PPFIBP1: variants seen among roughly 807,000 people sequenced by gnomAD.
PPFIBP1 encodes the protein liprin-beta-1.
Under a neutral mutation model 137.8 loss-of-function variants are expected in PPFIBP1, and 112 were observed. That is an observed-to-expected ratio of 0.81 (90% CI 0.70 to 0.95). The LOEUF is 0.95. Among genes scored for constraint, PPFIBP1 ranks in the 40% least tolerant of loss-of-function variants. The probability of loss-of-function intolerance (pLI) is 0.00; values close to 1 mark genes in which losing one functional copy is unlikely to be tolerated. For missense variants in PPFIBP1, 1,083 were observed against 1,196.6 expected (o/e 0.91, Z 1.40); for synonymous variants, 378 against 417.3 (o/e 0.91, Z 1.15).
intron 10 of PPFIBP1, among the ~76,000 whole-genome samples, chr12:27,659,591 T>A (rs953063519): frequency 6.6e-6 from 1 of 151,580 alleles, no homozygotes. Context: ...CATTGTAGAG[T>A]TTGAGGCTGC....
At chr12:27,627,855 A>C (rs1266377816) in intron 2 of PPFIBP1, among the ~76,000 whole-genome samples, 1 of 123,244 alleles carries the variant, frequency 8.1e-6, no homozygotes, top group East Asian at 2.7e-4. Context: ...ATAATATTTG[A>C]ATCTTATCCC....
chr12:27,606,268 ATG>A (rs1169189000), intron 2 of PPFIBP1, among the ~76,000 whole-genome samples: 46 of 152,246 alleles, frequency 3.0e-4, no homozygotes, highest in East Asian at 2.7e-3. Flanking sequence ...CTATTGTATA[ATG>A]TGTTTTGCAG....
chr12:27,638,797 T>C (rs1244271263), intron 4 of PPFIBP1, among the ~76,000 whole-genome samples: 3 of 152,244 alleles, frequency 2.0e-5, no homozygotes, highest in Non-Finnish European at 4.4e-5. Flanking sequence ...GCTTCTGGGA[T>C]ATTTTAGAAA....
chr12:27,539,470 T>G (rs943090949), intron 1 of PPFIBP1, among the ~76,000 whole-genome samples: 1 of 152,262 alleles, frequency 6.6e-6, no homozygotes, highest in Non-Finnish European at 1.5e-5. Flanking sequence ...AATCTTCTGA[T>G]GGAAAATGTT....
intron 4 of PPFIBP1, among the ~76,000 whole-genome samples, chr12:27,644,703 C>T (rs2058353255): frequency 6.6e-6 from 1 of 152,148 alleles, no homozygotes; most frequent in African/African-American, 2.4e-5. Context: ...TAATGCTGGG[C>T]ACTTCAGTTA....
At chr12:27,681,089 T>G (rs1302219379) in intron 21 of PPFIBP1, among the ~76,000 whole-genome samples, 1 of 152,230 alleles carries the variant, frequency 6.6e-6, no homozygotes, top group East Asian at 1.9e-4. Flanking sequence ...GAATTTTGCT[T>G]TGATTGTTTC....
At chr12:27,591,371 T>C (rs1454385010) in intron 2 of PPFIBP1, among the ~76,000 whole-genome samples, 1 of 152,098 alleles carries the variant, frequency 6.6e-6, no homozygotes, top group Non-Finnish European at 1.5e-5. Context: ...ACAAGAAGGC[T>C]GAGGGCACCT....
At chr12:27,637,845 A>G (rs1039789568) in intron 4 of PPFIBP1, among the ~76,000 whole-genome samples, 1 of 152,222 alleles carries the variant, frequency 6.6e-6, no homozygotes, top group Non-Finnish European at 1.5e-5. Flanking sequence ...CTTATAATTT[A>G]GTAATTTGCT....
In PPFIBP1 at chr12:27,691,899, G is replaced by A. The variant is rs765581656; in HGVS notation, c.2836G>A (p.Glu946Lys). 2.2e-5 allele frequency: 35 copies of A among 1,612,798 alleles called. No homozygotes were observed. The South Asian group carries it at 3.1e-4, about 14-fold the overall frequency. The change falls in exon 28 of 30, where the codon GAG becomes AAG. Residue 946 changes from glutamate (E) to lysine (K), a missense_variant. Coordinates refer to ENST00000228425, the MANE Select transcript of PPFIBP1 (RefSeq NM_003622.4). ...FKPGLDMRLYEEDDLDRLEQM... is the reference protein window; with the variant it reads ...FKPGLDMRLYKEDDLDRLEQM... ...ACCTGGTTTGGATATGCGCCTGTAT[G>A]AGGAAGATGATTTGGACCGGTTAGA...
intron 9 of PPFIBP1, 43 bp from the exon 10 acceptor site, chr12:27,658,773 G>A (rs745452107): frequency 6.4e-6 from 10 of 1,559,978 alleles, no homozygotes; most frequent in African/African-American, 1.4e-5. Flanking sequence ...ACTTATTGTT[G>A]TAATGTATGC....
chr12:27,677,102 G>A lies in PPFIBP1; in HGVS notation c.1615+6G>A, dbSNP rs1434077867. The A allele has an allele frequency of 4.3e-6, 7 of 1,613,862 alleles. No homozygotes were observed. In the Admixed American group the frequency reaches 5.0e-5, roughly 12 times the overall value. On this transcript the variant is annotated splice_donor_region_variant and intron_variant, in intron 19 of 29. Transcript: ENST00000228425. ...TGCCAGTGCACCCACCCTAGGTATT[G>A]TACCCCTGCATGCCAGCCTTCACCA...
chr12:27,640,666 C>T (rs1229622039), intron 4 of PPFIBP1, among the ~76,000 whole-genome samples: 1 of 151,732 alleles, frequency 6.6e-6, no homozygotes, highest in Non-Finnish European at 1.5e-5. Context: ...GAGCGGAGTA[C>T]TGCCACTGCC....
At position 27,676,434 on chromosome 12, in the gene PPFIBP1, G is replaced by A. The variant is rs757259418; in HGVS notation, c.1417G>A (p.Ala473Thr). ...ATTCTTATTTGCCTCTCAGGACAGA[G>A]CTCCGGCAGAAAGCAGGCCATTTGG... is the stretch of plus-strand genomic sequence containing the variant. ...ETIQKTSEDR[A>T]PAESRPFGTL... Residue 473 changes from alanine to threonine, a missense_variant, in exon 18 of 30, where the codon GCT (alanine) becomes ACT (threonine). Physicochemically the swap from Ala to Thr is moderately conservative, Grantham distance 58. Coordinates refer to ENST00000228425, the MANE Select transcript of PPFIBP1 (RefSeq NM_003622.4). 1.0e-5 allele frequency: 16 copies of A among 1,534,380 alleles called. No individual in the cohort carries two copies. Among genetic ancestry groups the A allele is most frequent in the Middle Eastern group, 1.8e-4 (1 of 5,656 alleles).
intron 27 of PPFIBP1, among the ~76,000 whole-genome samples, chr12:27,690,176 A>T (rs2061445259): frequency 6.8e-6 from 1 of 147,124 alleles, no homozygotes; most frequent in Admixed American, 6.8e-5. Context: ...TCCTACTCGG[A>T]TTTTTTTTTT....
intron 2 of PPFIBP1, among the ~76,000 whole-genome samples, chr12:27,602,733 A>C (rs529528598): frequency 6.6e-6 from 1 of 152,376 alleles, no homozygotes; most frequent in East Asian, 1.9e-4. Context: ...TTGATTAGTC[A>C]TTCAAATGCT....
At chr12:27,668,133 A>G (rs1219267484) in intron 13 of PPFIBP1, among the ~76,000 whole-genome samples, 2 of 152,114 alleles carry the variant, frequency 1.3e-5, no homozygotes, top group Non-Finnish European at 2.9e-5. Flanking sequence ...TCCCTCTCCC[A>G]TGCAAAATAC....
chr12:27,661,022 T>C, intron 11 of PPFIBP1, 77 bp downstream of exon 11: 1 of 1,566,376 alleles, frequency 6.4e-7, no homozygotes. Context: ...TTTCATGAGC[T>C]ATGCCATTTT....
intron 9 of PPFIBP1, among the ~76,000 whole-genome samples, chr12:27,658,409 T>C (rs923708711): frequency 2.0e-5 from 3 of 152,088 alleles, no homozygotes; most frequent in Non-Finnish European, 4.4e-5. Flanking sequence ...ACTTGAGTGG[T>C]GAGTTGCATG....
intron 4 of PPFIBP1, among the ~76,000 whole-genome samples, chr12:27,645,253 C>T (rs748273974): frequency 4.6e-5 from 7 of 152,192 alleles, no homozygotes; most frequent in Non-Finnish European, 8.8e-5. Context: ...TTATGAGAGA[C>T]ACCACTTATG....
Sources: allele counts gnomAD v4.1 joint callset (sites outside exome capture counted in the v4.1 genomes callset), GRCh38; gene constraint gnomAD v4.1.1; transcripts MANE v1.5; gene names NCBI Gene and HGNC (gene_info 2026-07-23, HGNC 2026-07-21).